The following EXOSC3 variants were observed in gnomAD, a reference collection of about 807,000 sequenced individuals.
EXOSC3 encodes the protein exosome component 3.
EXOSC3 carries 18 observed loss-of-function variants against 25.1 expected under a neutral mutation model. The observed-to-expected ratio is 0.72, with a 90% CI of 0.50 to 1.06. The LOEUF (loss-of-function observed/expected upper bound fraction) is 1.06. Among genes scored for constraint, EXOSC3 ranks in the 50% least tolerant of loss-of-function variants. EXOSC3 has a pLI of 0.00. For missense variants in EXOSC3, 382 were observed against 350.9 expected, an observed-to-expected ratio of 1.09 and a Z score of -0.71; for synonymous variants, 165 against 132.2, an observed-to-expected ratio of 1.25 and a Z score of -1.70.
At chr9:37,781,719 G>A (rs1196853315) in intron 3 of EXOSC3, 2 of 365,348 alleles carry the variant, frequency 5.5e-6, no homozygotes, top group Non-Finnish European at 9.8e-6. Flanking sequence ...ACAGGCCTGG[G>A]AAGGAAGATA....
chr9:37,781,346 G>A (rs1828591378), intron 3 of EXOSC3, among the ~76,000 whole-genome samples: 1 of 150,678 alleles, frequency 6.6e-6, no homozygotes, highest in African/African-American at 2.4e-5. Context: ...CTTCTCTGAT[G>A]TCCAAACTTA....
chr9:37,784,011 C>G lies in EXOSC3; in HGVS notation c.377G>C (p.Gly126Ala), dbSNP rs1354190393. Residue 126 changes from glycine (G) to alanine (A), a missense_variant, in exon 2 of 4, where the codon GGA becomes GCA. Transcript: ENST00000327304. ...HVIGIVTAKS[G>A]DIFKVDVGGS... The stretch of plus-strand genomic sequence containing the variant: ...TCCAACATCAACTTTGAATATATCT[C>G]CAGATTTAGCTGTCACTATGCCAAT... The G allele has an allele frequency of 2.5e-6, 4 of 1,613,980 alleles. No individual in the cohort carries two copies. Among genetic ancestry groups the G allele is most frequent in the Admixed American group, 3.3e-5 (2 of 60,012 alleles).
chr9:37,784,692 C>G (rs1227297881), intron 1 of EXOSC3, 29 bp downstream of exon 1: 2 of 1,563,304 alleles, frequency 1.3e-6, no homozygotes, highest in Non-Finnish European at 1.7e-6. Flanking sequence ...CTCTCACTGC[C>G]GCACCACCCC....
intron 3 of EXOSC3, among the ~76,000 whole-genome samples, chr9:37,781,265 G>GAGGAACATTGGCTCTTT (rs1163339907): frequency 6.6e-6 from 1 of 151,788 alleles, no homozygotes. Context: ...AGTACTTGGA[G>GAGGAACATTGGCTCTTT]AGGAACATTG....
chr9:37,780,906 A>T (rs1300648688), intron 3 of EXOSC3, 26 bp from the exon 4 acceptor site: 1 of 1,595,888 alleles, frequency 6.3e-7, no homozygotes, highest in Non-Finnish European at 8.5e-7. Flanking sequence ...AAGAAAATGA[A>T]ATTTAATGAA....
In EXOSC3 at chr9:37,780,621, C is replaced by G; in HGVS notation, c.*58G>C. ...TCTGAGTATTTAAATGGGGGAGGTT[C>G]ACCTGAAAAAACCCATAGTTTTTTG... On this transcript the variant is annotated 3_prime_UTR_variant, in exon 4 of 4. Coordinates refer to ENST00000327304, the MANE Select transcript of EXOSC3 (RefSeq NM_016042.4). 3 of 1,357,384 alleles carry G rather than the reference C, an allele frequency of 2.2e-6. No homozygotes were observed. The highest frequency in any genetic ancestry group is 3.1e-6 in the Non-Finnish European group (3 of 954,898). 84.1% of individuals were successfully genotyped at this position (1,357,384 alleles called of 1,614,324 possible).
rs1012607969 is a variant in EXOSC3 at position 37,779,777 on chromosome 9, A to C, written c.*902T>G. On this transcript the variant is annotated 3_prime_UTR_variant, in exon 4 of 4. Transcript: ENST00000327304. The stretch of plus-strand genomic sequence containing the variant: ...GATCCAAAAAGGACTTTCTATGGAT[A>C]GGCTTCAGGGGATCTGTATCTCACA... 1 of 152,244 alleles carries C rather than the reference A, an allele frequency of 6.6e-6. No individual in the cohort carries two copies. 9.4% of individuals were successfully genotyped at this position (152,244 alleles called of 1,614,324 possible). A position where few individuals can be genotyped will look rare whatever the true frequency, so the allele number is the denominator to read the frequency against.
intron 2 of EXOSC3, 87 bp from the exon 3 acceptor site, chr9:37,782,224 C>T (rs1323951423): frequency 7.0e-7 from 1 of 1,419,838 alleles, no homozygotes; most frequent in African/African-American, 1.4e-5. Flanking sequence ...TCAATGCCAG[C>T]CACCTACAGT....
chr9:37,782,288 TGA>T, intron 2 of EXOSC3, 151 bp from the exon 3 acceptor site: 3 of 762,646 alleles, frequency 3.9e-6, no homozygotes, highest in Non-Finnish European at 6.2e-6. Context: ...ACTTTGGAGT[TGA>T]GTCTTGGGGA....
chr9:37,780,414 T>C lies in EXOSC3; in HGVS notation c.*265A>G, dbSNP rs1338767875. 2 of 361,076 alleles carry C rather than the reference T, an allele frequency of 5.5e-6. No individual in the cohort carries two copies. The highest frequency in any genetic ancestry group is 4.3e-5 in the African/African-American group (2 of 47,014). 22.4% of individuals were successfully genotyped at this position (361,076 alleles called of 1,614,324 possible). On this transcript the variant is annotated 3_prime_UTR_variant, in exon 4 of 4. Transcript: ENST00000327304. ...GACCTCCAGTTAATTATGGAAGCTGTAGCAATTACTAAGGGAGTTAACTCC... is the reference window on the plus strand; with the variant it reads ...GACCTCCAGTTAATTATGGAAGCTGCAGCAATTACTAAGGGAGTTAACTCC...
At position 37,780,658 on chromosome 9, in the gene EXOSC3, C is replaced by T. The variant is rs201572296; in HGVS notation, c.*21G>A. 24 of 1,609,194 alleles carry T rather than the reference C, an allele frequency of 1.5e-5. No homozygotes were observed. The African/African-American group carries it at 3.1e-4, about 21-fold the overall frequency. On this transcript the variant is annotated 3_prime_UTR_variant, in exon 4 of 4. Coordinates refer to ENST00000327304, the MANE Select transcript of EXOSC3 (RefSeq NM_016042.4). ...CCCATAGTTTTTTGCCTCAACTGACCTGTAAAAAAGTCCACCTATATCAAC... is the reference window on the plus strand; with the variant it reads ...CCCATAGTTTTTTGCCTCAACTGACTTGTAAAAAAGTCCACCTATATCAAC...
At position 37,780,527 on chromosome 9, in the gene EXOSC3, G is replaced by GA; in HGVS notation, c.*151_*152insT. 1 of 627,694 alleles carries GA rather than the reference G, an allele frequency of 1.6e-6. No individual in the cohort carries two copies. Among genetic ancestry groups the GA allele is most frequent in the Non-Finnish European group, 2.7e-6 (1 of 366,008 alleles). 38.9% of individuals were successfully genotyped at this position (627,694 alleles called of 1,614,324 possible). On this transcript the variant is annotated 3_prime_UTR_variant, in exon 4 of 4. Coordinates refer to ENST00000327304, the MANE Select transcript of EXOSC3 (RefSeq NM_016042.4). ...CAATGATTTTCTCTCCCACAAAAGC[G>GA]TGGGTGAAAACCAGTAACTTATAAA... is the stretch of plus-strand genomic sequence containing the variant.
At chr9:37,782,307 G>A (rs990485824) in intron 2 of EXOSC3, among the ~76,000 whole-genome samples, 170 bp from the exon 3 acceptor site, 1 of 152,202 alleles carries the variant, frequency 6.6e-6, no homozygotes, top group African/African-American at 2.4e-5. Context: ...GGGAAAAAAA[G>A]GAACACATGT....
At chr9:37,781,130 A>C (rs1828585873) in intron 3 of EXOSC3, among the ~76,000 whole-genome samples, 1 of 152,140 alleles carries the variant, frequency 6.6e-6, no homozygotes, top group Non-Finnish European at 1.5e-5. Context: ...AACTTTGTAA[A>C]AGTCATTCCC....
chr9:37,781,882 G>A (rs1828604073), intron 3 of EXOSC3, 104 bp downstream of exon 3: 2 of 1,262,756 alleles, frequency 1.6e-6, no homozygotes, highest in South Asian at 1.5e-5. Flanking sequence ...TAACTCTGAG[G>A]AGAAATTCAA....
intron 1 of EXOSC3, 61 bp from the exon 2 acceptor site, chr9:37,784,124 C>A: frequency 6.5e-7 from 1 of 1,531,400 alleles, no homozygotes; most frequent in Non-Finnish European, 8.8e-7. Flanking sequence ...TGGAAGATAC[C>A]TTCAGCAAGT....
chr9:37,781,818 AAGAT>A, intron 3 of EXOSC3, 164 bp downstream of exon 3: 1 of 713,304 alleles, frequency 1.4e-6, no homozygotes, highest in Middle Eastern at 4.0e-4. Context: ...TGTTTCCAAG[AAGAT>A]AGGATTAAAT....
chr9:37,783,970 A>C lies in EXOSC3; in HGVS notation c.418T>G (p.Ser140Ala), dbSNP rs1828646911. 5 of 1,613,856 alleles carry C rather than the reference A, an allele frequency of 3.1e-6. No individual in the cohort carries two copies. The African/African-American group carries it at 6.7e-5, about 22-fold the overall frequency. Reference protein sequence around the residue: ...KVDVGGSEPASLSYLSFEGAT... With the variant: ...KVDVGGSEPAALSYLSFEGAT... ...CCTTCAAATGACAAGTAAGACAAAG[A>C]AGCTGGCTCACTCCCTCCAACATCA... The change falls in exon 2 of 4, where the codon TCT becomes GCT. Residue 140 changes from serine (S) to alanine (A), a missense_variant. Transcript: ENST00000327304.
At chr9:37,781,606 G>C (rs1456115730) in intron 3 of EXOSC3, among the ~76,000 whole-genome samples, 1 of 151,924 alleles carries the variant, frequency 6.6e-6, no homozygotes, top group African/African-American at 2.4e-5. Flanking sequence ...CCCATAATTA[G>C]AAAAAATTGA....
Sources: gnomAD v4.1 joint callset for allele counts (sites outside exome capture counted in the v4.1 genomes callset) on GRCh38, gnomAD v4.1.1 for gene constraint, MANE v1.5 for transcripts, NCBI Gene and HGNC (gene_info 2026-07-23, HGNC 2026-07-21) for gene names.